The following YME1L1 variants were observed in gnomAD, a reference collection of about 807,000 sequenced individuals.
The protein encoded by YME1L1 is ATP-dependent zinc metalloprotease YME1L1.
A neutral mutation model predicts 90.4 loss-of-function variants in YME1L1; 39 were observed. The ratio of observed to expected loss-of-function variants is 0.43; its 90% CI spans 0.33 to 0.56. The LOEUF (loss-of-function observed/expected upper bound fraction) is 0.56. Among genes scored for constraint, YME1L1 ranks in the 20% least tolerant of loss-of-function variants. The pLI is 0.03. For synonymous variants in YME1L1, 284 were observed against 287.3 expected (o/e 0.99, Z 0.12); for missense variants, 617 against 868.4 (o/e 0.71, Z 3.64).
chr10:27,132,043 C>CTT, intron 7 of YME1L1, 102 bp from the exon 8 acceptor site: 1 of 809,926 alleles, frequency 1.2e-6, no homozygotes, highest in Non-Finnish European at 2.0e-6. Flanking sequence ...AATTAAATGT[C>CTT]TAAGTGACCT....
chr10:27,150,917 C>A (rs915653014), intron 1 of YME1L1, among the ~76,000 whole-genome samples: 1 of 138,142 alleles, frequency 7.2e-6, no homozygotes, highest in East Asian at 2.3e-4. Context: ...TAGACTCTCT[C>A]GCCTTTTTTT....
intron 1 of YME1L1, 44 bp downstream of exon 1, chr10:27,154,134 G>C (rs757798104): frequency 1.3e-5 from 21 of 1,564,442 alleles, no homozygotes; most frequent in Non-Finnish European, 1.8e-5. Context: ...AAACAGCCAC[G>C]GGCAGGGCGG....
In YME1L1 at chr10:27,111,900, CGTT is replaced by C. The variant is rs1319949067; in HGVS notation, c.*74_*76del. The C allele has an allele frequency of 3.3e-6, 5 of 1,526,478 alleles. No homozygotes were observed. In the Admixed American group the frequency reaches 5.0e-5, roughly 15 times the overall value. The allele number at this position is 1,526,478 out of a possible 1,614,324, so 94.6% of individuals were successfully genotyped here. A position where few individuals can be genotyped will look rare whatever the true frequency, so the allele number is the denominator to read the frequency against. ...CACCACATCAAGAATGAGGGGAAAG[CGTT>C]GTAAAAGTAGACTACTGCAATGCTA... is the stretch of plus-strand genomic sequence containing the variant. On this transcript the variant is annotated 3_prime_UTR_variant, in exon 19 of 19. Transcript: ENST00000376016.
chr10:27,121,372 CT>C lies in YME1L1; in HGVS notation c.1298+13del. The C allele has an allele frequency of 6.3e-7, 1 of 1,586,296 alleles. No individual in the cohort carries two copies. The highest frequency in any genetic ancestry group is 8.7e-7 in the Non-Finnish European group (1 of 1,155,152). On this transcript the variant is annotated intron_variant, in intron 12 of 18. Transcript: ENST00000376016. ...TGTAACAGTACTTCACAAAAATCTT[CT>C]TTTAATACTTACTTATCTAATGCCT... is the stretch of plus-strand genomic sequence containing the variant.
intron 8 of YME1L1, among the ~76,000 whole-genome samples, chr10:27,129,822 T>C (rs2056959657): frequency 6.6e-6 from 1 of 152,160 alleles, no homozygotes; most frequent in African/African-American, 2.4e-5. Context: ...TTTCCATTCA[T>C]TCTCCTATTG....
At chr10:27,140,193 C>T (rs923969934) in intron 4 of YME1L1, among the ~76,000 whole-genome samples, 5 of 151,898 alleles carry the variant, frequency 3.3e-5, no homozygotes, top group Non-Finnish European at 7.4e-5. Context: ...TAGTGGAGAA[C>T]GGGGTTTTAC....
intron 8 of YME1L1, 50 bp downstream of exon 8, chr10:27,131,809 G>T (rs760534393): frequency 3.1e-5 from 42 of 1,360,914 alleles, no homozygotes; most frequent in Non-Finnish European, 4.4e-5. Context: ...CTCATATAGA[G>T]TATCAATTAG....
chr10:27,150,492 T>C (rs1368291134), intron 1 of YME1L1, among the ~76,000 whole-genome samples: 1 of 152,142 alleles, frequency 6.6e-6, no homozygotes. Flanking sequence ...AGATAGGGTG[T>C]GGGCACAAGA....
intron 1 of YME1L1, 31 bp from the exon 2 acceptor site, chr10:27,149,071 A>G: frequency 1.9e-6 from 3 of 1,560,988 alleles, no homozygotes; most frequent in East Asian, 2.3e-5. Context: ...AAAACTAAGT[A>G]GTTTTTTTTT....
intron 1 of YME1L1, among the ~76,000 whole-genome samples, chr10:27,151,558 G>A (rs1463164299): frequency 6.6e-6 from 1 of 152,200 alleles, no homozygotes; most frequent in Non-Finnish European, 1.5e-5. Flanking sequence ...GACATACTAA[G>A]GAATAAAGCT....
chr10:27,122,731 A>C, intron 11 of YME1L1, 110 bp downstream of exon 11: 1 of 1,441,090 alleles, frequency 6.9e-7, no homozygotes, highest in South Asian at 1.2e-5. Context: ...CATTTTTCAT[A>C]TCTCTAGATA....
At chr10:27,120,365 A>G (rs1031484192) in intron 13 of YME1L1, 70 bp downstream of exon 13, 1 of 1,089,412 alleles carries the variant, frequency 9.2e-7, no homozygotes, top group African/African-American at 1.6e-5. Flanking sequence ...GTATCATGAA[A>G]GGACCACAAA....
At chr10:27,139,305 C>T (rs2057061626) in intron 4 of YME1L1, among the ~76,000 whole-genome samples, 2 of 152,046 alleles carry the variant, frequency 1.3e-5, no homozygotes, top group African/African-American at 4.8e-5. Context: ...GCAAACCTTT[C>T]ACCTCAGCCT....
intron 1 of YME1L1, among the ~76,000 whole-genome samples, chr10:27,152,065 A>G (rs1282071875): frequency 6.6e-6 from 1 of 152,104 alleles, no homozygotes; most frequent in African/African-American, 2.4e-5. Context: ...AGTCAAGTGA[A>G]GCAATGTATC....
intron 7 of YME1L1, 41 bp from the exon 8 acceptor site, chr10:27,131,982 T>C (rs1326478069): frequency 6.6e-7 from 1 of 1,514,590 alleles, no homozygotes; most frequent in East Asian, 2.3e-5. Flanking sequence ...GATAGATTAA[T>C]AACATTCCAA....
rs755152480 is a variant in YME1L1 at position 27,120,421 on chromosome 10, G to T, written c.1411+14C>A. The T allele has an allele frequency of 6.3e-7, 1 of 1,579,148 alleles. No homozygotes were observed. The highest frequency in any genetic ancestry group is 8.7e-7 in the Non-Finnish European group (1 of 1,149,600). On this transcript the variant is annotated intron_variant, in intron 13 of 18. Coordinates refer to ENST00000376016, the MANE Select transcript of YME1L1 (RefSeq NM_014263.4). Reference sequence around the variant, plus strand: ...CACTTTACAGAAATGACAAATGTTTGTTTTGATACTTACATTGATCAAACT... The same window carrying T: ...CACTTTACAGAAATGACAAATGTTTTTTTTGATACTTACATTGATCAAACT...
At chr10:27,154,076 C>A in intron 1 of YME1L1, 102 bp downstream of exon 1, 1 of 1,445,128 alleles carries the variant, frequency 6.9e-7, no homozygotes, top group Non-Finnish European at 9.5e-7. Flanking sequence ...TACATCACTT[C>A]ATTTCTAGAG....
At chr10:27,135,859 A>G (rs919596242) in intron 5 of YME1L1, among the ~76,000 whole-genome samples, 1 of 152,236 alleles carries the variant, frequency 6.6e-6, no homozygotes, top group African/African-American at 2.4e-5. Context: ...ACAAGTATTC[A>G]TTACAGTAAT....
At position 27,143,324 on chromosome 10, in the gene YME1L1, G is replaced by A. The variant is rs536517709; in HGVS notation, c.332-839C>T. Among the ~76,000 whole-genome samples the A allele has an allele frequency of 2.0e-5, 3 of 151,964 alleles. No individual in the cohort carries two copies. In the South Asian group the frequency reaches 6.2e-4, roughly 32 times the overall value. On this transcript the variant is annotated intron_variant, in intron 3 of 18. Coordinates refer to ENST00000376016, the MANE Select transcript of YME1L1 (RefSeq NM_014263.4). ...GGAGAAGTTGTGGTGAGCTGAGATC[G>A]CGCCATTGCACTCCCGCCTGGGCAA... is the stretch of plus-strand genomic sequence containing the variant.
Sources: allele counts gnomAD v4.1 joint callset (sites outside exome capture counted in the v4.1 genomes callset), GRCh38; gene constraint gnomAD v4.1.1; transcripts MANE v1.5; gene names NCBI Gene and HGNC (gene_info 2026-07-23, HGNC 2026-07-21).